Variants in SLC24A3 observed in about 807,000 individuals in gnomAD.
The protein encoded by SLC24A3 is sodium/potassium/calcium exchanger 3.
A neutral mutation model predicts 75.8 loss-of-function variants in SLC24A3; 28 were observed. That is an observed-to-expected ratio of 0.37 (90% CI 0.27 to 0.51). SLC24A3 has a LOEUF of 0.51. SLC24A3 is among the 20% of genes least tolerant of loss of function. The pLI, the probability that SLC24A3 is intolerant of heterozygous loss-of-function variation, is 0.94. For synonymous variants in SLC24A3, 372 were observed against 334.1 expected (o/e 1.11, Z -1.24); for missense variants, 663 against 847.8 (o/e 0.78, Z 2.71).
chr20:19,352,789 A>G (rs891198213), intron 2 of SLC24A3, among the ~76,000 whole-genome samples: 9 of 152,184 alleles, frequency 5.9e-5, no homozygotes, highest in Non-Finnish European at 1.2e-4. Flanking sequence ...CATCTTTTAA[A>G]GTCTTTAAGG....
rs1054139994 is a variant in SLC24A3 at position 19,348,387 on chromosome 20, C to T, written c.271+67300C>T. Among the ~76,000 whole-genome samples the T allele has an allele frequency of 1.8e-4, 27 of 152,170 alleles. 1 individual carries two copies. ...ACAGTCATAGCTGGAGGTCCATTGT[C>T]GGTTGTTAACAGGCAGTGAACTGTT... On this transcript the variant is annotated intron_variant, in intron 2 of 16. Transcript: ENST00000328041.
chr20:19,411,028 C>A (rs759411731), intron 2 of SLC24A3, among the ~76,000 whole-genome samples: 1 of 152,162 alleles, frequency 6.6e-6, no homozygotes, highest in Non-Finnish European at 1.5e-5. Context: ...TAAGAATGGC[C>A]ACACATTTAC....
At position 19,222,716 on chromosome 20, in the gene SLC24A3, A is replaced by ATCCT. The variant is rs138059938; in HGVS notation, c.142+9752_142+9755dup. Reference sequence around the variant, plus strand: ...TAGCAGGACCATCCCAAATTATTTAATCCTTCCTTCCTTCCTTCCTTCCCT... The same window carrying ATCCT: ...TAGCAGGACCATCCCAAATTATTTAATCCTTCCTTCCTTCCTTCCTTCCTTCCCT... On this transcript the variant is annotated intron_variant, in intron 1 of 16. Coordinates refer to ENST00000328041, the MANE Select transcript of SLC24A3 (RefSeq NM_020689.4). Among the ~76,000 whole-genome samples the ATCCT allele has an allele frequency of 2.3e-3, 342 of 150,912 alleles. 2 individuals carry two copies. Among genetic ancestry groups the ATCCT allele is most frequent in the East Asian group, 0.012 (60 of 4,978 alleles).
intron 3 of SLC24A3, among the ~76,000 whole-genome samples, chr20:19,566,657 C>T (rs969408996): frequency 6.6e-5 from 10 of 152,206 alleles, no homozygotes; most frequent in African/African-American, 2.2e-4. Flanking sequence ...CCTTATTCTA[C>T]AAGAGAGGCC....
chr20:19,397,182 T>G (rs1986468952), intron 2 of SLC24A3, among the ~76,000 whole-genome samples: 1 of 152,242 alleles, frequency 6.6e-6, no homozygotes, highest in Admixed American at 6.5e-5. Flanking sequence ...AAATTTTCCC[T>G]CATTCCATGT....
At chr20:19,652,914 C>T (rs904983194) in intron 6 of SLC24A3, among the ~76,000 whole-genome samples, 8 of 152,094 alleles carry the variant, frequency 5.3e-5, no homozygotes, top group Admixed American at 3.9e-4. Context: ...TCACTTACTA[C>T]GCCAAGGGCA....
intron 2 of SLC24A3, among the ~76,000 whole-genome samples, chr20:19,434,173 TAC>T (rs1172368610): frequency 6.6e-6 from 1 of 152,212 alleles, no homozygotes; most frequent in Non-Finnish European, 1.5e-5. Flanking sequence ...GATTTAGGAC[TAC>T]ATTTGTGCTC....
At chr20:19,225,522 TAAA>T (rs906064679) in intron 1 of SLC24A3, among the ~76,000 whole-genome samples, 3 of 152,098 alleles carry the variant, frequency 2.0e-5, no homozygotes, top group Non-Finnish European at 4.4e-5. Flanking sequence ...GCTTTTAAAA[TAAA>T]AAACCCCTAA....
intron 12 of SLC24A3, among the ~76,000 whole-genome samples, chr20:19,691,398 G>A (rs2032743658): frequency 6.6e-6 from 1 of 152,236 alleles, no homozygotes; most frequent in East Asian, 1.9e-4. Flanking sequence ...AGACCAGGGA[G>A]TATGTGAGCA....
At chr20:19,358,077 T>A (rs1985722189) in intron 2 of SLC24A3, among the ~76,000 whole-genome samples, 1 of 152,220 alleles carries the variant, frequency 6.6e-6, no homozygotes, top group African/African-American at 2.4e-5. Context: ...CAGGGTTGTT[T>A]TCCCTCCTGC....
intron 2 of SLC24A3, among the ~76,000 whole-genome samples, chr20:19,312,039 A>G (rs1198977548): frequency 5.9e-5 from 9 of 152,220 alleles, no homozygotes; most frequent in Non-Finnish European, 4.4e-5. Flanking sequence ...AGCCTCTAAT[A>G]TAAGAACAAT....
At chr20:19,356,656 G>T (rs997147528) in intron 2 of SLC24A3, among the ~76,000 whole-genome samples, 5 of 152,108 alleles carry the variant, frequency 3.3e-5, no homozygotes, top group African/African-American at 1.2e-4. Flanking sequence ...ATTCTTGTGG[G>T]TGTCTCCTGG....
chr20:19,714,157 C>CT (rs747055181), intron 15 of SLC24A3, among the ~76,000 whole-genome samples: 42 of 152,276 alleles, frequency 2.8e-4, no homozygotes, highest in Non-Finnish European at 4.4e-4. Flanking sequence ...AATTCCAGCA[C>CT]TTTGGGAGGC....
At chr20:19,560,984 G>A (rs1330270207) in intron 3 of SLC24A3, among the ~76,000 whole-genome samples, 1 of 152,142 alleles carries the variant, frequency 6.6e-6, no homozygotes, top group Non-Finnish European at 1.5e-5. Context: ...AAACTGATAG[G>A]CAAGTCAGAT....
chr20:19,243,937 G>A (rs760708989), intron 1 of SLC24A3: 5 of 152,074 alleles, frequency 3.3e-5, no homozygotes, highest in South Asian at 2.1e-4. Flanking sequence ...TATTCCCCAC[G>A]ACCACTGGAG....
chr20:19,235,443 C>G (rs1295427233), intron 1 of SLC24A3, among the ~76,000 whole-genome samples: 3 of 151,990 alleles, frequency 2.0e-5, no homozygotes, highest in Non-Finnish European at 4.4e-5. Context: ...GACTTACCTC[C>G]TACACTAGGG....
At chr20:19,711,463 C>T (rs1469289116) in intron 15 of SLC24A3, among the ~76,000 whole-genome samples, 2 of 152,094 alleles carry the variant, frequency 1.3e-5, no homozygotes, top group Non-Finnish European at 2.9e-5. Context: ...CACACACACA[C>T]ATGCACAAAT....
intron 9 of SLC24A3, among the ~76,000 whole-genome samples, chr20:19,679,156 G>A (rs1330161553): frequency 2.6e-5 from 4 of 151,974 alleles, no homozygotes; most frequent in Non-Finnish European, 5.9e-5. Context: ...GCAGGCGGCT[G>A]GGAGGTGGAG....
chr20:19,285,298 T>G (rs2122229118), intron 2 of SLC24A3, among the ~76,000 whole-genome samples: 1 of 152,086 alleles, frequency 6.6e-6, no homozygotes, highest in East Asian at 1.9e-4. Context: ...GGCAACATGG[T>G]GAAACCCCAT....
Sources: gnomAD v4.1 joint callset for allele counts (sites outside exome capture counted in the v4.1 genomes callset) on GRCh38, gnomAD v4.1.1 for gene constraint, MANE v1.5 for transcripts, NCBI Gene and HGNC (gene_info 2026-07-23, HGNC 2026-07-21) for gene names.